The following FAM174A variants were observed in gnomAD, a reference collection of about 807,000 sequenced individuals.
FAM174A encodes membrane protein FAM174A.
A neutral mutation model predicts 14.3 loss-of-function variants in FAM174A; 14 were observed. The observed-to-expected ratio is 0.98, with a 90% CI of 0.65 to 1.53. The LOEUF is 1.53. Among genes scored for constraint, FAM174A ranks in the 40% most tolerant of loss-of-function variants. The pLI is 0.00. For missense variants in FAM174A, 241 were observed against 249.6 expected, an observed-to-expected ratio of 0.97 and a Z score of 0.23; for synonymous variants, 108 against 111.4, an observed-to-expected ratio of 0.97 and a Z score of 0.19.
intron 1 of FAM174A, among the ~76,000 whole-genome samples, chr5:100,559,490 GCT>G (rs1746477334): frequency 6.6e-6 from 1 of 151,868 alleles, no homozygotes; most frequent in Admixed American, 6.6e-5. Flanking sequence ...GGCCTGCCTT[GCT>G]AGAACTTCCC....
intron 1 of FAM174A, among the ~76,000 whole-genome samples, chr5:100,559,018 C>A (rs867225927): frequency 1.3e-5 from 2 of 152,034 alleles, no homozygotes; most frequent in Middle Eastern, 3.2e-3. Context: ...AGTTGATGCA[C>A]TTTCTTCCTA....
chr5:100,579,622 C>G (rs1241859324), intron 2 of FAM174A, among the ~76,000 whole-genome samples: 1 of 152,058 alleles, frequency 6.6e-6, no homozygotes, highest in Non-Finnish European at 1.5e-5. Context: ...GATGGGGTTT[C>G]ACAATGTTGA....
intron 1 of FAM174A, among the ~76,000 whole-genome samples, chr5:100,554,001 C>T (rs1746313562): frequency 6.6e-6 from 1 of 152,106 alleles, no homozygotes; most frequent in African/African-American, 2.4e-5. Context: ...GACAGGTTAA[C>T]ATATTGACTA....
intron 2 of FAM174A, among the ~76,000 whole-genome samples, chr5:100,585,660 T>C (rs1227407219): frequency 6.6e-6 from 1 of 152,152 alleles, no homozygotes; most frequent in Non-Finnish European, 1.5e-5. Context: ...GTGATCTGCC[T>C]GCCTTGGCCT....
chr5:100,570,234 C>G (rs1373489542), intron 2 of FAM174A, among the ~76,000 whole-genome samples: 1 of 151,768 alleles, frequency 6.6e-6, no homozygotes, highest in Non-Finnish European at 1.5e-5. Flanking sequence ...ATTCCTATTA[C>G]CTTCTGTGGC....
rs544477138 is a variant in FAM174A, at chr5:100,572,514, T to C, written c.569+10326T>C. Among the ~76,000 whole-genome samples the C allele has an allele frequency of 2.8e-4, 42 of 151,690 alleles. No homozygotes were observed. In the South Asian group the frequency reaches 8.3e-3, roughly 30 times the overall value. On this transcript the variant is annotated intron_variant, in intron 2 of 2. Coordinates refer to ENST00000312637, the MANE Select transcript of FAM174A (RefSeq NM_198507.3). The stretch of plus-strand genomic sequence containing the variant: ...AGAATATGCGGTGTTCGGTTTTTTG[T>C]TCTTGCGATAGTTTACTGAGAATGA...
chr5:100,576,525 T>A (rs1302143779), intron 2 of FAM174A, among the ~76,000 whole-genome samples: 2 of 152,332 alleles, frequency 1.3e-5, no homozygotes, highest in East Asian at 1.9e-4. Context: ...TTCTTATTTT[T>A]ATTTTTTTCA....
Position 100,572,341 on chromosome 5 carries a change from G to A in FAM174A, c.569+10153G>A, listed in dbSNP as rs1341302190. 2.7e-5 allele frequency among the ~76,000 whole-genome samples: 4 copies of A among 148,782 alleles called. No individual in the cohort carries two copies. The East Asian group carries it at 5.9e-4, about 22-fold the overall frequency. On this transcript the variant is annotated intron_variant, in intron 2 of 2. Transcript: ENST00000312637. Reference sequence around the variant, plus strand: ...ATGTATACATGTGCCATGCTGGTGCGCTGCACCCACTAACTCGTCATCTAG... The same window carrying A: ...ATGTATACATGTGCCATGCTGGTGCACTGCACCCACTAACTCGTCATCTAG...
intron 2 of FAM174A, among the ~76,000 whole-genome samples, chr5:100,570,291 C>G (rs2112394015): frequency 6.6e-6 from 1 of 151,984 alleles, no homozygotes; most frequent in South Asian, 2.1e-4. Flanking sequence ...AATACCATTA[C>G]TTTATTTGAA....
chr5:100,540,448 A>T (rs73774430), intron 1 of FAM174A, among the ~76,000 whole-genome samples: 1,535 of 152,270 alleles, frequency 0.01, 30 homozygotes, highest in African/African-American at 0.035. Flanking sequence ...GAGTTTTCCT[A>T]ACATGTGTAA....
intron 2 of FAM174A, among the ~76,000 whole-genome samples, chr5:100,569,469 G>T (rs1238701127): frequency 6.6e-6 from 1 of 151,608 alleles, no homozygotes; most frequent in African/African-American, 2.4e-5. Context: ...AATCACCTAT[G>T]GTTTGACATT....
intron 1 of FAM174A, among the ~76,000 whole-genome samples, chr5:100,558,590 T>C (rs1746450126): frequency 6.6e-6 from 1 of 152,112 alleles, no homozygotes; most frequent in Non-Finnish European, 1.5e-5. Flanking sequence ...TTTGTAGTTC[T>C]CTAAGGACTT....
intron 2 of FAM174A, among the ~76,000 whole-genome samples, chr5:100,572,958 C>A (rs1314303048): frequency 3.4e-4 from 52 of 152,254 alleles, no homozygotes; most frequent in Middle Eastern, 3.4e-3. Context: ...CTGGTGTGAG[C>A]TGGTATCTCA....
chr5:100,551,071 G>A (rs1429308415), intron 1 of FAM174A, among the ~76,000 whole-genome samples: 3 of 152,158 alleles, frequency 2.0e-5, no homozygotes, highest in Non-Finnish European at 2.9e-5. Flanking sequence ...AGCCGGAGTA[G>A]GCAGAGATAG....
At chr5:100,552,274 A>G (rs900928578) in intron 1 of FAM174A, among the ~76,000 whole-genome samples, 5 of 152,158 alleles carry the variant, frequency 3.3e-5, no homozygotes, top group African/African-American at 1.2e-4. Context: ...CTTGGTCACT[A>G]GTTTACTTTT....
At chr5:100,561,311 G>T (rs539485549) in intron 1 of FAM174A, among the ~76,000 whole-genome samples, 1 of 151,980 alleles carries the variant, frequency 6.6e-6, no homozygotes, top group East Asian at 1.9e-4. Flanking sequence ...TTTGTTAAAA[G>T]ACAGGTTTCT....
intron 1 of FAM174A, among the ~76,000 whole-genome samples, chr5:100,558,490 C>G (rs992110835): frequency 6.6e-6 from 1 of 152,064 alleles, no homozygotes; most frequent in South Asian, 2.1e-4. Context: ...TCCTGGATAT[C>G]CTTTTTAACT....
chr5:100,554,591 T>A (rs959779162), intron 1 of FAM174A, among the ~76,000 whole-genome samples: 1 of 152,110 alleles, frequency 6.6e-6, no homozygotes, highest in African/African-American at 2.4e-5. Flanking sequence ...ATTACAGGTG[T>A]GAGTAACCAC....
intron 2 of FAM174A, among the ~76,000 whole-genome samples, chr5:100,562,952 A>T (rs567193401): frequency 6.6e-6 from 1 of 151,986 alleles, no homozygotes; most frequent in African/African-American, 2.4e-5. Flanking sequence ...ACTTGGGTGA[A>T]GGAGAATTAG....
Sources: allele counts gnomAD v4.1 joint callset (sites outside exome capture counted in the v4.1 genomes callset), GRCh38; gene constraint gnomAD v4.1.1; transcripts MANE v1.5; gene names NCBI Gene and HGNC (gene_info 2026-07-23, HGNC 2026-07-21).